Variants in GRIK3 observed in about 807,000 individuals in gnomAD.
The protein encoded by GRIK3 is glutamate receptor ionotropic, kainate 3.
A neutral mutation model predicts 102.5 loss-of-function variants in GRIK3; 29 were observed. That is an observed-to-expected ratio of 0.28 (90% CI 0.21 to 0.39). The LOEUF (loss-of-function observed/expected upper bound fraction) is 0.39. GRIK3 is among the 10% of genes least tolerant of loss of function. The pLI is 1.00. For synonymous variants in GRIK3, 511 were observed against 504.9 expected, an observed-to-expected ratio of 1.01 and a Z score of -0.16; for missense variants, 908 against 1,252.4, an observed-to-expected ratio of 0.73 and a Z score of 4.15.
At chr1:36,899,108 T>G (rs1641204816) in intron 1 of GRIK3, among the ~76,000 whole-genome samples, 1 of 152,146 alleles carries the variant, frequency 6.6e-6, no homozygotes, top group South Asian at 2.1e-4. Flanking sequence ...AAAGGCTTCA[T>G]GAGATTGAAT....
chr1:36,986,596 CA>C, intron 1 of GRIK3, among the ~76,000 whole-genome samples: 1 of 152,218 alleles, frequency 6.6e-6, no homozygotes, highest in Non-Finnish European at 1.5e-5. Context: ...TCTCTACCCT[CA>C]AGGAGCTCCC....
At chr1:36,822,204 C>T (rs1258777902) in intron 11 of GRIK3, among the ~76,000 whole-genome samples, 1 of 152,196 alleles carries the variant, frequency 6.6e-6, no homozygotes, top group East Asian at 1.9e-4. Context: ...GCTGCAAAGC[C>T]TTTCTAGATT....
intron 7 of GRIK3, among the ~76,000 whole-genome samples, chr1:36,856,663 A>G (rs2124235602): frequency 6.6e-6 from 1 of 152,278 alleles, no homozygotes; most frequent in Admixed American, 6.5e-5. Flanking sequence ...TGGATGTAAA[A>G]TGGAGATAGG....
chr1:36,949,321 A>T (rs1054329492), intron 1 of GRIK3, among the ~76,000 whole-genome samples: 1 of 152,082 alleles, frequency 6.6e-6, no homozygotes, highest in Non-Finnish European at 1.5e-5. Flanking sequence ...CAGTCCCCCT[A>T]CTGAAGCTAC....
At chr1:36,824,555 C>T (rs898745548) in intron 11 of GRIK3, among the ~76,000 whole-genome samples, 6 of 151,848 alleles carry the variant, frequency 4.0e-5, no homozygotes, top group Admixed American at 3.9e-4. Flanking sequence ...GGGGGGAGGG[C>T]GGCTTTTAAA....
At chr1:37,024,003 A>G (rs998542967) in intron 1 of GRIK3, among the ~76,000 whole-genome samples, 3 of 152,278 alleles carry the variant, frequency 2.0e-5, no homozygotes, top group African/African-American at 4.8e-5. Flanking sequence ...AGGGAGGATA[A>G]GAAAAGTTAT....
chr1:36,896,875 T>C (rs1587526), intron 1 of GRIK3, among the ~76,000 whole-genome samples: 122,237 of 152,154 alleles, frequency 0.8, 51,319 homozygotes, highest in Non-Finnish European at 0.92. Context: ...TAATACATCA[T>C]AGTAACAGAA....
At chr1:36,971,341 T>TCAAAGG (rs780003410) in intron 1 of GRIK3, among the ~76,000 whole-genome samples, 1 of 152,152 alleles carries the variant, frequency 6.6e-6, no homozygotes, top group Non-Finnish European at 1.5e-5. Flanking sequence ...GAAGGCTGCC[T>TCAAAGG]TTGCCGTAGA....
chr1:36,999,277 C>A (rs556251619), intron 1 of GRIK3, among the ~76,000 whole-genome samples: 1 of 151,940 alleles, frequency 6.6e-6, no homozygotes, highest in Non-Finnish European at 1.5e-5. Context: ...CCAGGTGCAC[C>A]GAGGTGGGAG....
intron 1 of GRIK3, among the ~76,000 whole-genome samples, chr1:37,014,190 A>G (rs1642628079): frequency 1.3e-5 from 2 of 152,246 alleles, no homozygotes; most frequent in African/African-American, 4.8e-5. Flanking sequence ...ACTATGCATT[A>G]TTTGTTAATT....
chr1:36,862,366 C>T (rs1331125976), intron 5 of GRIK3, among the ~76,000 whole-genome samples: 1 of 152,134 alleles, frequency 6.6e-6, no homozygotes, highest in Non-Finnish European at 1.5e-5. Flanking sequence ...GATTGTCTTA[C>T]TCCAAACCCT....
chr1:36,978,445 G>A (rs576838267), intron 1 of GRIK3, among the ~76,000 whole-genome samples: 10 of 152,344 alleles, frequency 6.6e-5, no homozygotes, highest in Admixed American at 5.9e-4. Context: ...CTCCCAGCAG[G>A]GAGGTGTATC....
chr1:37,003,470 T>C (rs577160806), intron 1 of GRIK3, among the ~76,000 whole-genome samples: 98 of 152,176 alleles, frequency 6.4e-4, no homozygotes, highest in Admixed American at 1.0e-3. Context: ...TCAGCCTCCA[T>C]GGTATCAGCC....
At chr1:37,010,414 T>C (rs1642581839) in intron 1 of GRIK3, among the ~76,000 whole-genome samples, 1 of 152,184 alleles carries the variant, frequency 6.6e-6, no homozygotes, top group African/African-American at 2.4e-5. Flanking sequence ...TCCCACAAGA[T>C]CCTTTCTACA....
In GRIK3 at chr1:37,017,862, T is replaced by C. The variant is rs143692383; in HGVS notation, c.115+16132A>G. Reference sequence around the variant, plus strand: ...TCCAGTTCAAACTGAGTGAGACCACTGACCCTTCAACTGGACCTCCACAAA... The same window carrying C: ...TCCAGTTCAAACTGAGTGAGACCACCGACCCTTCAACTGGACCTCCACAAA... On this transcript the variant is annotated intron_variant, in intron 1 of 15. Coordinates refer to ENST00000373091, the MANE Select transcript of GRIK3 (RefSeq NM_000831.4). 7.4e-3 allele frequency among the ~76,000 whole-genome samples: 1,121 copies of C among 152,358 alleles called. 7 individuals are homozygous for C. The highest frequency in any genetic ancestry group is 0.025 in the African/African-American group (1,024 of 41,584).
At chr1:37,018,748 T>C (rs919639109) in intron 1 of GRIK3, among the ~76,000 whole-genome samples, 4 of 152,070 alleles carry the variant, frequency 2.6e-5, no homozygotes, top group South Asian at 2.1e-4. Context: ...CAGGGGGAGA[T>C]TGATGCCTGC....
intron 1 of GRIK3, among the ~76,000 whole-genome samples, chr1:36,950,606 C>T (rs964507696): frequency 1.3e-5 from 2 of 152,224 alleles, no homozygotes; most frequent in South Asian, 2.1e-4. Flanking sequence ...GCTGTGCAGA[C>T]GGTGGGGTGA....
intron 1 of GRIK3, among the ~76,000 whole-genome samples, chr1:36,896,221 T>C (rs543390430): frequency 6.6e-6 from 1 of 152,268 alleles, no homozygotes; most frequent in East Asian, 1.9e-4. Context: ...GAAGGTAAAA[T>C]TTAAAAAATG....
rs1057476504 is a variant in GRIK3, at chr1:36,880,327, G to T, written c.550+307C>A. Among the ~76,000 whole-genome samples the T allele has an allele frequency of 2.6e-5, 4 of 152,304 alleles. No homozygotes were observed. The highest frequency in any genetic ancestry group is 2.0e-4 in the Admixed American group (3 of 15,304). On this transcript the variant is annotated intron_variant, in intron 3 of 15. Coordinates refer to ENST00000373091, the MANE Select transcript of GRIK3 (RefSeq NM_000831.4). The surrounding 1 kb of genome is among the most constrained non-coding windows in gnomAD (Gnocchi z 5.4). Reference sequence around the variant, plus strand: ...GCATGGGCAGGTGTCGGTGTGGCTTGCAGATGTGTGTGCTGCTGCTAGGGT... The same window carrying T: ...GCATGGGCAGGTGTCGGTGTGGCTTTCAGATGTGTGTGCTGCTGCTAGGGT...
Sources: gnomAD v4.1 joint callset for allele counts (sites outside exome capture counted in the v4.1 genomes callset) on GRCh38, gnomAD v4.1.1 for gene constraint, Gnocchi (gnomAD v3.1) non-coding constraint, MANE v1.5 for transcripts, NCBI Gene and HGNC (gene_info 2026-07-23, HGNC 2026-07-21) for gene names.